The following DMD variants were observed in gnomAD, a reference collection of about 807,000 sequenced individuals.
DMD encodes dystrophin, also known as mutant dystrophin.
In DMD, 63 loss-of-function variants were observed where a neutral mutation model predicts 330.1. The observed-to-expected ratio is 0.19, with a 90% CI of 0.16 to 0.24. The LOEUF (loss-of-function observed/expected upper bound fraction) is 0.24. Among genes scored for constraint, DMD ranks in the 10% least tolerant of loss-of-function variants. The pLI, the probability that DMD is intolerant of heterozygous loss-of-function variation, is 1.00. For synonymous variants in DMD, 1,223 were observed against 959.8 expected (o/e 1.27, Z -5.07); for missense variants, 3,344 against 2,684.1 (o/e 1.25, Z -5.43).
At chrX:32,461,955 T>A (rs1290416808) in intron 25 of DMD, among the ~76,000 whole-genome samples, 2 of 111,165 alleles carry the variant, frequency 1.8e-5, no homozygotes, top group Non-Finnish European at 3.8e-5. Context: ...TGATTTCCCT[T>A]GACTTTTCTA....
rs748204927 is a variant in DMD, at chrX:31,139,608, G to C, written c.10922-5414C>G. Among the ~76,000 whole-genome samples the C allele has an allele frequency of 4.6e-5, 5 of 107,673 alleles. No homozygotes were observed. The East Asian group carries it at 1.5e-3, about 32-fold the overall frequency. 93.5% of individuals were successfully genotyped at this position (107,673 alleles called of 115,157 possible). A position where few individuals can be genotyped will look rare whatever the true frequency, so the allele number is the denominator to read the frequency against. ...CTCTAAGTAAAGTAACTCAGGAATA[G>C]ACAACCAAACATTGTACTTTCTCAC... On this transcript the variant is annotated intron_variant, in intron 76 of 78. Coordinates refer to ENST00000357033, the MANE Select transcript of DMD (RefSeq NM_004006.3).
At chrX:31,945,809 G>T (rs1347710788) in intron 45 of DMD, among the ~76,000 whole-genome samples, 2 of 111,397 alleles carry the variant, frequency 1.8e-5, no homozygotes, top group Non-Finnish European at 3.8e-5. Context: ...GAATAAATGG[G>T]GTCACTGGTC....
intron 44 of DMD, among the ~76,000 whole-genome samples, chrX:32,164,579 G>C (rs1324369161): frequency 3.6e-5 from 4 of 111,871 alleles, no homozygotes; most frequent in Non-Finnish European, 7.5e-5. Flanking sequence ...GAGCATAAAA[G>C]TTTGAAAAAT....
At chrX:33,096,269 C>T (rs1447682021) in intron 1 of DMD, among the ~76,000 whole-genome samples, 3 of 110,605 alleles carry the variant, frequency 2.7e-5, no homozygotes, top group South Asian at 3.7e-4. Flanking sequence ...CCACCGCGCC[C>T]GGCCTTCTTC....
intron 55 of DMD, among the ~76,000 whole-genome samples, chrX:31,588,744 C>A (rs2148104372): frequency 9.1e-6 from 1 of 110,417 alleles, no homozygotes; most frequent in East Asian, 2.9e-4. Context: ...AACTAAAATA[C>A]CCTGCCCCTC....
intron 48 of DMD, among the ~76,000 whole-genome samples, chrX:31,839,447 G>A (rs1297772575): frequency 4.5e-5 from 5 of 111,800 alleles, no homozygotes; most frequent in South Asian, 3.7e-4. Flanking sequence ...ATTTGTTCAC[G>A]CAGACAGTCG....
intron 42 of DMD, among the ~76,000 whole-genome samples, chrX:32,309,823 G>T (rs2097554987): frequency 9.0e-6 from 1 of 110,982 alleles, no homozygotes; most frequent in Non-Finnish European, 1.9e-5. Context: ...TGTCCCTACT[G>T]CATGTAAAAA....
intron 67 of DMD, among the ~76,000 whole-genome samples, chrX:31,203,174 C>T (rs971618482): frequency 3.1e-4 from 33 of 106,217 alleles, no homozygotes; most frequent in African/African-American, 1.1e-3. Context: ...CCCAGCTACT[C>T]GGGAGGCTGA....
intron 60 of DMD, among the ~76,000 whole-genome samples, chrX:31,404,790 T>G (rs2061339455): frequency 8.9e-6 from 1 of 111,925 alleles, no homozygotes; most frequent in East Asian, 2.8e-4. Flanking sequence ...GGGAGAAGCC[T>G]AATGAATGAT....
chrX:32,163,525 G>A, intron 44 of DMD, among the ~76,000 whole-genome samples: 1 of 111,943 alleles, frequency 8.9e-6, no homozygotes, highest in East Asian at 2.8e-4. Flanking sequence ...TTAAAGGGTG[G>A]CTTGAGATAG....
chrX:32,444,531 T>C (rs528448222), intron 27 of DMD, among the ~76,000 whole-genome samples: 2 of 111,277 alleles, frequency 1.8e-5, no homozygotes, highest in African/African-American at 6.5e-5. Context: ...GACATAAAGA[T>C]AATAGAACAA....
At chrX:31,459,357 C>A (rs1224798516) in intron 59 of DMD, among the ~76,000 whole-genome samples, 2 of 112,226 alleles carry the variant, frequency 1.8e-5, no homozygotes, top group Non-Finnish European at 3.8e-5. Context: ...AGTAGTTTAT[C>A]ATTGGTTCTA....
chrX:33,045,869 G>A (rs1182400575), intron 1 of DMD, among the ~76,000 whole-genome samples: 2 of 111,462 alleles, frequency 1.8e-5, no homozygotes, highest in South Asian at 7.7e-4. Flanking sequence ...ACATGTGTCG[G>A]TGCTTGAGAA....
rs528337818 is a variant in DMD at position 32,459,275 on chromosome X, C to A, written c.3432+4164G>T. ...AGTCTCATGGGTATACGCTTATCCC[C>A]AAACTAATCAAGTTGTATAAATTAA... is the stretch of plus-strand genomic sequence containing the variant. On this transcript the variant is annotated intron_variant, in intron 25 of 78. Transcript: ENST00000357033. Among the ~76,000 whole-genome samples, 532 of 110,673 alleles carry A rather than the reference C, an allele frequency of 4.8e-3. 5 individuals are homozygous for A. The highest frequency in any genetic ancestry group is 0.017 in the African/African-American group (518 of 30,528).
chrX:32,100,391 GTA>G lies in DMD; in HGVS notation c.6438+116523_6438+116524del, dbSNP rs57119778. On this transcript the variant is annotated intron_variant, in intron 44 of 78. Transcript: ENST00000357033. ...TTTTCCCAGATATATATATATATAT[GTA>G]TATATATATATATTAGCTACTACGG... 4.3e-4 allele frequency among the ~76,000 whole-genome samples: 42 copies of G among 98,066 alleles called. No individual in the cohort carries two copies. The East Asian group carries it at 1.0e-2, about 23-fold the overall frequency. The allele number at this position is 98,066 out of a possible 115,157, so 85.2% of individuals were successfully genotyped here. A position where few individuals can be genotyped will look rare whatever the true frequency, so the allele number is the denominator to read the frequency against.
intron 2 of DMD, among the ~76,000 whole-genome samples, chrX:32,969,057 G>GA (rs2092288432): frequency 2.9e-5 from 1 of 34,689 alleles, no homozygotes; most frequent in African/African-American, 8.2e-5. Flanking sequence ...AAAAAAAAAA[G>GA]AACCTAGAAC....
chrX:32,370,755 C>A (rs6628712), intron 34 of DMD, among the ~76,000 whole-genome samples: 46,671 of 109,387 alleles, frequency 0.43, 7,594 homozygotes, highest in East Asian at 0.72. Context: ...AGTAATAGTT[C>A]TTATATTTTT....
intron 1 of DMD, among the ~76,000 whole-genome samples, chrX:33,068,007 G>A (rs1206177204): frequency 2.7e-5 from 3 of 111,931 alleles, no homozygotes; most frequent in Non-Finnish European, 5.6e-5. Flanking sequence ...AACAAGTGCT[G>A]CTAGTGCTGA....
intron 77 of DMD, among the ~76,000 whole-genome samples, chrX:31,133,371 C>A (rs1364009977): frequency 9.0e-6 from 1 of 111,340 alleles, no homozygotes; most frequent in Non-Finnish European, 1.9e-5. Context: ...AATAAATGCC[C>A]CCAGAAACGA....
Sources: allele counts gnomAD v4.1 joint callset (sites outside exome capture counted in the v4.1 genomes callset), GRCh38; gene constraint gnomAD v4.1.1; transcripts MANE v1.5; gene names NCBI Gene and HGNC (gene_info 2026-07-23, HGNC 2026-07-21).